Variants in CCDC146 observed in about 807,000 individuals in gnomAD.
The protein encoded by CCDC146 is coiled-coil domain containing 146.
CCDC146 carries 92 observed loss-of-function variants against 119.3 expected under a neutral mutation model. The observed-to-expected ratio is 0.77, with a 90% CI of 0.65 to 0.92. CCDC146 has a LOEUF of 0.92. Ranked by LOEUF, CCDC146 falls within the 40% of genes least tolerant of loss-of-function variation. CCDC146 has a pLI of 0.00. For missense variants in CCDC146, 1,000 were observed against 1,103.0 expected (o/e 0.91, Z 1.32); for synonymous variants, 372 against 371.8 (o/e 1.00, Z -0.01).
chr7:77,230,488 A>G (rs1025592505), intron 2 of CCDC146, among the ~76,000 whole-genome samples: 9 of 110,442 alleles, frequency 8.1e-5, no homozygotes, highest in Non-Finnish European at 1.7e-4. Context: ...TTCTTGGTTG[A>G]CAGGTATGTG....
intron 2 of CCDC146, among the ~76,000 whole-genome samples, chr7:77,236,231 G>A (rs1451655542): frequency 1.3e-5 from 2 of 152,106 alleles, no homozygotes; most frequent in Admixed American, 6.6e-5. Flanking sequence ...AGTGTTTGAC[G>A]ATGTTTTATG....
chr7:77,203,839 ATGG>A (rs201044253), intron 2 of CCDC146, among the ~76,000 whole-genome samples: 1,633 of 152,330 alleles, frequency 0.011, 33 homozygotes, highest in African/African-American at 0.038. Context: ...ACACCAATAC[ATGG>A]TGGGATTTTA....
Position 77,278,959 on chromosome 7 carries a change from T to TG in CCDC146, c.1552_1553insG (p.Tyr518Ter). Residue 518 changes from tyrosine (Y) to a stop codon, truncating the protein, a stop_gained and frameshift_variant, in exon 13 of 19, where the codon TAT (tyrosine) becomes TGAT (stop). Transcript: ENST00000285871. LOFTEE classifies it high-confidence loss of function. The part of the protein sequence containing the change: ...YRRLREFAKL[Y>*]DTIRNERNKF... ...CAGACTGAGAGAGTTTGCTAAACTG[T>TG]ATGACACCATTCGAAATGAAAGAAA... 3 of 1,611,618 alleles carry TG rather than the reference T, an allele frequency of 1.9e-6. No homozygotes were observed. Among genetic ancestry groups the TG allele is most frequent in the Non-Finnish European group, 2.5e-6 (3 of 1,179,312 alleles).
intron 1 of CCDC146, among the ~76,000 whole-genome samples, chr7:77,137,476 T>A (rs1353091749): frequency 6.9e-6 from 1 of 144,326 alleles, no homozygotes; most frequent in Non-Finnish European, 1.5e-5. Flanking sequence ...ACAAGTGGAA[T>A]GTGAAATCAA....
intron 17 of CCDC146, among the ~76,000 whole-genome samples, chr7:77,288,763 A>G (rs1042655482): frequency 3.0e-4 from 46 of 152,174 alleles, no homozygotes; most frequent in African/African-American, 1.1e-3. Flanking sequence ...GTAGGGGGAG[A>G]CAGATGAAAA....
intron 1 of CCDC146, among the ~76,000 whole-genome samples, chr7:77,154,278 C>T (rs1420903234): frequency 1.3e-5 from 2 of 151,886 alleles, no homozygotes; most frequent in Admixed American, 1.3e-4. Flanking sequence ...GAATTTTAAA[C>T]TAACAAAACT....
At chr7:77,190,152 G>A (rs1043225953) in intron 2 of CCDC146, among the ~76,000 whole-genome samples, 1 of 152,168 alleles carries the variant, frequency 6.6e-6, no homozygotes, top group Non-Finnish European at 1.5e-5. Context: ...ATAAGTCTGA[G>A]TTCGAAGACA....
chr7:77,143,024 C>G (rs1192528172), intron 1 of CCDC146, among the ~76,000 whole-genome samples: 1 of 151,804 alleles, frequency 6.6e-6, no homozygotes, highest in African/African-American at 2.4e-5. Context: ...AGTTTACAGT[C>G]CCACCAACAG....
At chr7:77,143,257 G>A (rs1790963746) in intron 1 of CCDC146, among the ~76,000 whole-genome samples, 1 of 150,530 alleles carries the variant, frequency 6.6e-6, no homozygotes, top group African/African-American at 2.5e-5. Flanking sequence ...CTTGTTGATG[G>A]GGTTGTTTGA....
At chr7:77,286,609 C>T (rs930187602) in intron 15 of CCDC146, among the ~76,000 whole-genome samples, 189 bp from the exon 16 acceptor site, 3 of 152,178 alleles carry the variant, frequency 2.0e-5, no homozygotes, top group Non-Finnish European at 4.4e-5. Context: ...ATCATCGTCG[C>T]AGTACCATAA....
At chr7:77,288,794 A>T (rs1338986087) in intron 17 of CCDC146, among the ~76,000 whole-genome samples, 4 of 152,178 alleles carry the variant, frequency 2.6e-5, no homozygotes, top group Admixed American at 6.5e-5. Context: ...TAATACCCAC[A>T]CCAGAGACTG....
chr7:77,138,741 T>C (rs1413803475), intron 1 of CCDC146, among the ~76,000 whole-genome samples: 1 of 152,130 alleles, frequency 6.6e-6, no homozygotes, highest in Admixed American at 6.5e-5. Flanking sequence ...CCAAAGAAGA[T>C]ATACAAATGG....
intron 8 of CCDC146, 119 bp from the exon 9 acceptor site, chr7:77,262,001 AG>A (rs878994687): frequency 4.0e-6 from 3 of 741,456 alleles, no homozygotes; most frequent in Middle Eastern, 4.0e-4. Flanking sequence ...TTCTGTTTTT[AG>A]GTCTTTGCCA....
intron 1 of CCDC146, among the ~76,000 whole-genome samples, chr7:77,152,567 T>C (rs1285597642): frequency 6.6e-6 from 1 of 152,216 alleles, no homozygotes; most frequent in Non-Finnish European, 1.5e-5. Context: ...TTTTCTTTAA[T>C]GGTGTTCCTC....
chr7:77,242,605 A>G (rs1043546207), intron 4 of CCDC146, among the ~76,000 whole-genome samples: 4 of 152,224 alleles, frequency 2.6e-5, no homozygotes, highest in African/African-American at 9.6e-5. Context: ...CATACTATTT[A>G]GATTGAATTT....
chr7:77,249,919 A>T (rs1054239441), intron 4 of CCDC146, among the ~76,000 whole-genome samples: 21 of 152,128 alleles, frequency 1.4e-4, no homozygotes, highest in African/African-American at 5.1e-4. Flanking sequence ...TTGTGGTTTT[A>T]ACTAAGCATT....
At position 77,135,083 on chromosome 7, in the gene CCDC146, G is replaced by T. The variant is rs1267520125; in HGVS notation, c.-12+12351G>T. Among the ~76,000 whole-genome samples the T allele has an allele frequency of 2.6e-5, 4 of 152,020 alleles. No individual in the cohort carries two copies. The South Asian group carries it at 6.2e-4, about 24-fold the overall frequency. On this transcript the variant is annotated intron_variant, in intron 1 of 18. Coordinates refer to ENST00000285871, the MANE Select transcript of CCDC146 (RefSeq NM_020879.3). The stretch of plus-strand genomic sequence containing the variant: ...CAACTACAACCACCATTGCTCACTG[G>T]TTCACCAAAAATTGAGTAAATAATT...
At chr7:77,252,855 C>T (rs1793102237) in intron 4 of CCDC146, among the ~76,000 whole-genome samples, 1 of 152,230 alleles carries the variant, frequency 6.6e-6, no homozygotes, top group Non-Finnish European at 1.5e-5. Context: ...AGCGGGAGCA[C>T]GTGCCTTCCA....
chr7:77,155,191 A>C (rs2092909212), intron 1 of CCDC146, among the ~76,000 whole-genome samples: 1 of 152,240 alleles, frequency 6.6e-6, no homozygotes, highest in Non-Finnish European at 1.5e-5. Context: ...TGTGGATATA[A>C]GAACAGTGTT....
Sources: allele counts gnomAD v4.1 joint callset (sites outside exome capture counted in the v4.1 genomes callset), GRCh38; gene constraint gnomAD v4.1.1; transcripts MANE v1.5; gene names NCBI Gene and HGNC (gene_info 2026-07-23, HGNC 2026-07-21).